The following MYOCD variants were observed in gnomAD, a reference collection of about 807,000 sequenced individuals.
The protein encoded by MYOCD is myocardin.
Under a neutral mutation model 96.1 loss-of-function variants are expected in MYOCD, and 32 were observed. That is an observed-to-expected ratio of 0.33 (90% CI 0.25 to 0.45). The LOEUF is 0.45. MYOCD is among the 20% of genes least tolerant of loss of function. The pLI, the probability that MYOCD is intolerant of heterozygous loss-of-function variation, is 1.00. For missense variants in MYOCD, 1,133 were observed against 1,200.6 expected (o/e 0.94, Z 0.83); for synonymous variants, 469 against 469.0 (o/e 1.00, Z 0.00).
chr17:12,678,037 C>T (rs139134230), intron 1 of MYOCD, among the ~76,000 whole-genome samples: 2,500 of 151,326 alleles, frequency 0.017, 82 homozygotes, highest in African/African-American at 0.057. Flanking sequence ...GGACTGCAGG[C>T]GTGCACCACC....
chr17:12,693,625 GAATAAAATAA>G (rs59593903), intron 1 of MYOCD, among the ~76,000 whole-genome samples: 7,290 of 125,116 alleles, frequency 0.058, 260 homozygotes, highest in Admixed American at 0.1. Flanking sequence ...AAATAAAATA[GAATAAAATAA>G]AATAAAATAA....
intron 6 of MYOCD, 117 bp downstream of exon 6, chr17:12,736,453 C>CCT (rs200960280): frequency 0.013 from 13,501 of 1,049,864 alleles, 125 homozygotes; most frequent in Non-Finnish European, 0.016. Context: ...CAGAGATGTC[C>CCT]CTGGCTGCCA....
chr17:12,739,675 G>A (rs11652201), intron 7 of MYOCD, among the ~76,000 whole-genome samples: 77,924 of 152,040 alleles, frequency 0.51, 20,096 homozygotes, highest in East Asian at 0.64. Flanking sequence ...AAATAGGTAT[G>A]CAGCAGTTGG....
At position 12,666,292 on chromosome 17, in the gene MYOCD, A is replaced by G. The variant is rs899783668; in HGVS notation, c.55+49A>G. 4 of 1,320,012 alleles carry G rather than the reference A, an allele frequency of 3.0e-6. No homozygotes were observed. The African/African-American group carries it at 4.3e-5, about 14-fold the overall frequency. 81.8% of individuals were successfully genotyped at this position (1,320,012 alleles called of 1,614,324 possible). ...CCTTCTTAAACTTTCCTCTTCTGCAATTCTCAACTCTAGAACTGCTTTCCA... is the reference window on the plus strand; with the variant it reads ...CCTTCTTAAACTTTCCTCTTCTGCAGTTCTCAACTCTAGAACTGCTTTCCA... On this transcript the variant is annotated intron_variant, in intron 1 of 13. Coordinates refer to ENST00000425538, the MANE Select transcript of MYOCD (RefSeq NM_001146312.3).
chr17:12,719,597 A>C (rs2031760756), intron 4 of MYOCD, among the ~76,000 whole-genome samples: 1 of 151,818 alleles, frequency 6.6e-6, no homozygotes, highest in African/African-American at 2.4e-5. Context: ...TCACGCCTGT[A>C]ATCCTAGCAC....
chr17:12,727,757 G>C (rs1002557775), intron 5 of MYOCD, among the ~76,000 whole-genome samples: 2 of 152,194 alleles, frequency 1.3e-5, no homozygotes, highest in African/African-American at 4.8e-5. Flanking sequence ...ATTTTTGACA[G>C]AGGACTGTCC....
chr17:12,755,614 T>C lies in MYOCD; in HGVS notation c.2059-800T>C, dbSNP rs143351450. Reference sequence around the variant, plus strand: ...AAATTAGGCCAGGCGCGATGGTTCATGCCTGTAATCCCAGCTTGAGAGGCT... The same window carrying C: ...AAATTAGGCCAGGCGCGATGGTTCACGCCTGTAATCCCAGCTTGAGAGGCT... On this transcript the variant is annotated intron_variant, in intron 10 of 13. Coordinates refer to ENST00000425538, the MANE Select transcript of MYOCD (RefSeq NM_001146312.3). 5.7e-3 allele frequency among the ~76,000 whole-genome samples: 871 copies of C among 152,144 alleles called. 3 individuals carry two copies. Among genetic ancestry groups the C allele is most frequent in the Non-Finnish European group, 9.3e-3 (629 of 67,994 alleles).
At chr17:12,711,062 C>G (rs2031466650) in intron 2 of MYOCD, among the ~76,000 whole-genome samples, 1 of 152,150 alleles carries the variant, frequency 6.6e-6, no homozygotes, top group Non-Finnish European at 1.5e-5. Context: ...GGAAAATGCA[C>G]TGTTTTCAGA....
chr17:12,693,005 G>A (rs1439536906), intron 1 of MYOCD, among the ~76,000 whole-genome samples: 1 of 151,882 alleles, frequency 6.6e-6, no homozygotes, highest in Non-Finnish European at 1.5e-5. Flanking sequence ...CCATTCTTGA[G>A]TTGGAACCTA....
chr17:12,675,801 G>C lies in MYOCD; in HGVS notation c.55+9558G>C, dbSNP rs1237238826. Among the ~76,000 whole-genome samples the C allele has an allele frequency of 2.0e-5, 3 of 152,356 alleles. No homozygotes were observed. The East Asian group carries it at 5.8e-4, about 29-fold the overall frequency. On this transcript the variant is annotated intron_variant, in intron 1 of 13. Transcript: ENST00000425538. ...TTGAACCCAGGAGGCGGAGGTTGCAGTGAGACGAGATCACGCCACTGCACT... is the reference window on the plus strand; with the variant it reads ...TTGAACCCAGGAGGCGGAGGTTGCACTGAGACGAGATCACGCCACTGCACT...
chr17:12,733,016 T>G (rs901615820), intron 5 of MYOCD, among the ~76,000 whole-genome samples: 4 of 152,130 alleles, frequency 2.6e-5, no homozygotes, highest in Non-Finnish European at 4.4e-5. Context: ...ATATGACCTA[T>G]GTATACGAAG....
intron 1 of MYOCD, among the ~76,000 whole-genome samples, chr17:12,696,159 T>C (rs2030739825): frequency 6.6e-6 from 1 of 150,710 alleles, no homozygotes; most frequent in African/African-American, 2.4e-5. Context: ...TATTTTTTTT[T>C]AGTAGAGACG....
chr17:12,763,654 T>C lies in MYOCD; in HGVS notation c.*10T>C. The C allele has an allele frequency of 6.3e-7, 1 of 1,598,366 alleles. No homozygotes were observed. The highest frequency in any genetic ancestry group is 2.2e-5 in the East Asian group (1 of 44,840). On this transcript the variant is annotated 3_prime_UTR_variant, in exon 14 of 14. Transcript: ENST00000425538. ...CTTGCAGCAGTGGTAGAATGCCCAA[T>C]GCACCAGTGCTATGGAAGACCAATG...
At chr17:12,747,607 G>A (rs72635530) in intron 9 of MYOCD, among the ~76,000 whole-genome samples, 5,345 of 152,168 alleles carry the variant, frequency 0.035, 218 homozygotes, top group East Asian at 0.19. Flanking sequence ...AATGGAAAGA[G>A]TGAGAAGGAA....
chr17:12,688,753 C>T (rs1254607115), intron 1 of MYOCD, among the ~76,000 whole-genome samples: 1 of 149,538 alleles, frequency 6.7e-6, no homozygotes, highest in Non-Finnish European at 1.5e-5. Context: ...TTCCTTGCTT[C>T]CTTCCTTCCT....
intron 1 of MYOCD, chr17:12,671,808 G>C (rs1254487478): frequency 1.3e-5 from 2 of 152,198 alleles, no homozygotes; most frequent in Admixed American, 1.3e-4. Context: ...CCCAGGGTTA[G>C]AATTTTACAT....
At chr17:12,755,693 G>C (rs1389926347) in intron 10 of MYOCD, among the ~76,000 whole-genome samples, 1 of 152,174 alleles carries the variant, frequency 6.6e-6, no homozygotes, top group Non-Finnish European at 1.5e-5. Flanking sequence ...CCAATATGGT[G>C]AGACCCCATC....
intron 5 of MYOCD, among the ~76,000 whole-genome samples, chr17:12,728,302 G>T (rs575906810): frequency 6.6e-6 from 1 of 152,110 alleles, no homozygotes; most frequent in Non-Finnish European, 1.5e-5. Flanking sequence ...CACGAAAGTC[G>T]TATATTGTCC....
Position 12,753,261 on chromosome 17 carries a change from C to G in MYOCD, c.1973C>G (p.Pro658Arg), listed in dbSNP as rs759465795. The G allele has an allele frequency of 1.9e-6, 3 of 1,614,194 alleles. No homozygotes were observed. Among genetic ancestry groups the G allele is most frequent in the Non-Finnish European group, 2.5e-6 (3 of 1,180,020 alleles). Residue 658 changes from proline to arginine, a missense_variant, in exon 10 of 14, where the codon CCT becomes CGT. Pro to Arg is a moderately radical substitution (Grantham distance 103). Coordinates refer to ENST00000425538, the MANE Select transcript of MYOCD (RefSeq NM_001146312.3). ...AGTTTGCCCCCATCACCCAACAACC[C>G]TCACTTTCTGCCCTCATCCTCCGGG... ...HISLPPSPNN[P>R]HFLPSSSGAQ... is the part of the protein sequence containing the mutation.
Sources: allele counts gnomAD v4.1 joint callset (sites outside exome capture counted in the v4.1 genomes callset), GRCh38; gene constraint gnomAD v4.1.1; transcripts MANE v1.5; gene names NCBI Gene and HGNC (gene_info 2026-07-23, HGNC 2026-07-21).